The following CAMTA1 variants were observed in gnomAD, a reference collection of about 807,000 sequenced individuals.
CAMTA1 encodes calmodulin binding transcription activator 1, also known as calmodulin-binding transcription activator 1.
In CAMTA1, 27 loss-of-function variants were observed where a neutral mutation model predicts 170.9. That is an observed-to-expected ratio of 0.16 (90% CI 0.12 to 0.22). The LOEUF (loss-of-function observed/expected upper bound fraction) is 0.22, where lower values mean the gene tolerates loss of function less well. Ranked by LOEUF, CAMTA1 falls within the 10% of genes least tolerant of loss-of-function variation. CAMTA1 has a pLI of 1.00. For synonymous variants in CAMTA1, 833 were observed against 891.5 expected, an observed-to-expected ratio of 0.93 and a Z score of 1.17; for missense variants, 1,619 against 2,217.2, an observed-to-expected ratio of 0.73 and a Z score of 5.42.
At chr1:7,524,967 CTCAT>C (rs993610509) in intron 6 of CAMTA1, among the ~76,000 whole-genome samples, 2 of 152,172 alleles carry the variant, frequency 1.3e-5, no homozygotes, top group African/African-American at 4.8e-5. Flanking sequence ...CACATATCCA[CTCAT>C]TCATTCATTC....
At chr1:7,619,157 A>G (rs1205689436) in intron 6 of CAMTA1, among the ~76,000 whole-genome samples, 1 of 152,182 alleles carries the variant, frequency 6.6e-6, no homozygotes, top group Non-Finnish European at 1.5e-5. Flanking sequence ...CCACAGTCCA[A>G]CTTCTCTCCA....
At chr1:6,816,830 T>A (rs1030122143) in intron 1 of CAMTA1, among the ~76,000 whole-genome samples, 4 of 152,156 alleles carry the variant, frequency 2.6e-5, no homozygotes, top group African/African-American at 9.7e-5. Flanking sequence ...AACACGAAGT[T>A]GTCCTGTGAA....
chr1:7,498,777 ATGTG>A (rs1317298889), intron 6 of CAMTA1, among the ~76,000 whole-genome samples: 1 of 137,850 alleles, frequency 7.3e-6, no homozygotes, highest in Admixed American at 7.0e-5. Flanking sequence ...CCTGGTGTGC[ATGTG>A]TATGTATGTG....
At chr1:7,491,476 G>A (rs1303970205) in intron 6 of CAMTA1, among the ~76,000 whole-genome samples, 1 of 152,208 alleles carries the variant, frequency 6.6e-6, no homozygotes, top group Non-Finnish European at 1.5e-5. Flanking sequence ...AATGTTCTGC[G>A]TGTACTGCCG....
At position 7,053,087 on chromosome 1, in the gene CAMTA1, G is replaced by A. The variant is rs566182449; in HGVS notation, c.235-38217G>A. On this transcript the variant is annotated intron_variant, in intron 3 of 22. Transcript: ENST00000303635. ...ATGCAGGGGAGGAGGGAGCTCGTGG[G>A]GGCGGCTGGAGGGATGGACCCTCAT... 1.9e-4 allele frequency among the ~76,000 whole-genome samples: 29 copies of A among 152,334 alleles called. No homozygotes were observed. In the South Asian group the frequency reaches 6.0e-3, roughly 32 times the overall value.
intron 3 of CAMTA1, among the ~76,000 whole-genome samples, chr1:6,925,131 G>A (rs1682838217): frequency 2.0e-5 from 3 of 152,370 alleles, no homozygotes; most frequent in Admixed American, 2.0e-4. Flanking sequence ...CCCAAGGGCA[G>A]AAGGGCCTCC....
At chr1:6,953,850 T>C (rs1688970208) in intron 3 of CAMTA1, among the ~76,000 whole-genome samples, 1 of 152,038 alleles carries the variant, frequency 6.6e-6, no homozygotes, top group Admixed American at 6.6e-5. Flanking sequence ...CAGCCGGTGA[T>C]GGGGTGGAAG....
chr1:7,035,463 C>T lies in CAMTA1; in HGVS notation c.235-55841C>T, dbSNP rs145928134. On this transcript the variant is annotated intron_variant, in intron 3 of 22. Coordinates refer to ENST00000303635, the MANE Select transcript of CAMTA1 (RefSeq NM_015215.4). The stretch of plus-strand genomic sequence containing the variant: ...GAATTCTAAAGTAAAACTGGCAAAG[C>T]GTGTGTGCATGTGTGTGTGTTTTTC... Among the ~76,000 whole-genome samples the T allele has an allele frequency of 5.1e-3, 779 of 152,154 alleles. 6 individuals are homozygous for T. The highest frequency in any genetic ancestry group is 0.018 in the African/African-American group (745 of 41,522).
chr1:7,128,824 C>T (rs974353945), intron 4 of CAMTA1, among the ~76,000 whole-genome samples: 19 of 143,356 alleles, frequency 1.3e-4, no homozygotes, highest in Admixed American at 5.7e-4. Flanking sequence ...CCGATTAGCT[C>T]CCCCTCCTTT....
chr1:6,945,545 C>T (rs4908577), intron 3 of CAMTA1, among the ~76,000 whole-genome samples: 79,532 of 151,726 alleles, frequency 0.52, 21,620 homozygotes, highest in Non-Finnish European at 0.61. Context: ...GATGGGGTTT[C>T]GCCAGGTTGC....
intron 3 of CAMTA1, among the ~76,000 whole-genome samples, chr1:6,958,501 C>T (rs1384608851): frequency 2.6e-5 from 4 of 152,194 alleles, no homozygotes; most frequent in Non-Finnish European, 5.9e-5. Flanking sequence ...GTCCACACAA[C>T]AGATTTCTGG....
intron 5 of CAMTA1, among the ~76,000 whole-genome samples, chr1:7,421,198 G>A (rs1042369185): frequency 1.3e-5 from 2 of 151,200 alleles, no homozygotes; most frequent in Non-Finnish European, 2.9e-5. Context: ...TGTTGCCCAG[G>A]CTGGAGTGCA....
chr1:7,450,523 G>A (rs2092797558), intron 5 of CAMTA1, among the ~76,000 whole-genome samples: 1 of 152,228 alleles, frequency 6.6e-6, no homozygotes, highest in Non-Finnish European at 1.5e-5. Context: ...ACCAGATGCA[G>A]AAGTAGAGAC....
intron 3 of CAMTA1, among the ~76,000 whole-genome samples, chr1:6,915,864 A>G (rs1038556878): frequency 3.9e-5 from 6 of 152,190 alleles, no homozygotes; most frequent in Admixed American, 6.5e-5. Context: ...AAGACCGTCT[A>G]TCCTACAACT....
rs556159936 is a variant in CAMTA1, at chr1:7,393,121, C to G, written c.439-74709C>G. On this transcript the variant is annotated intron_variant, in intron 5 of 22. Coordinates refer to ENST00000303635, the MANE Select transcript of CAMTA1 (RefSeq NM_015215.4). Reference sequence around the variant, plus strand: ...GCATTTAGTATTGTTGTTTTTAAAGCTATTCTAATAGGTACATAGTATTTC... The same window carrying G: ...GCATTTAGTATTGTTGTTTTTAAAGGTATTCTAATAGGTACATAGTATTTC... Among the ~76,000 whole-genome samples the G allele has an allele frequency of 8.6e-5, 13 of 150,970 alleles. 1 individual carries two copies. The South Asian group carries it at 2.5e-3, about 29-fold the overall frequency.
At position 7,140,144 on chromosome 1, in the gene CAMTA1, G is replaced by A. The variant is rs572332467; in HGVS notation, c.302+48773G>A. On this transcript the variant is annotated intron_variant, in intron 4 of 22. Transcript: ENST00000303635. The stretch of plus-strand genomic sequence containing the variant: ...GGTGTCATAGGGAGGTAGCTAGGTG[G>A]TAGCAGAGCCAGGATTCGAACCAGG... Among the ~76,000 whole-genome samples the A allele has an allele frequency of 3.3e-5, 5 of 152,310 alleles. No homozygotes were observed. The East Asian group carries it at 9.6e-4, about 29-fold the overall frequency.
At chr1:7,519,992 C>A (rs1327753312) in intron 6 of CAMTA1, among the ~76,000 whole-genome samples, 1 of 151,026 alleles carries the variant, frequency 6.6e-6, no homozygotes, top group Non-Finnish European at 1.5e-5. Flanking sequence ...AGAACGGGAG[C>A]TTCTAAAACA....
At chr1:7,503,577 G>A (rs1466373389) in intron 6 of CAMTA1, among the ~76,000 whole-genome samples, 2 of 152,160 alleles carry the variant, frequency 1.3e-5, no homozygotes, top group Non-Finnish European at 2.9e-5. Flanking sequence ...GCCTTTGCAG[G>A]GCATTTGGGA....
intron 19 of CAMTA1, 39 bp downstream of exon 19, chr1:7,747,820 C>G: frequency 2.1e-6 from 3 of 1,413,590 alleles, no homozygotes; most frequent in Non-Finnish European, 3.0e-6. Context: ...AAACTGTGCC[C>G]CACCCAAGGC....
Sources: allele counts gnomAD v4.1 joint callset (sites outside exome capture counted in the v4.1 genomes callset), GRCh38; gene constraint gnomAD v4.1.1; transcripts MANE v1.5; gene names NCBI Gene and HGNC (gene_info 2026-07-23, HGNC 2026-07-21).